Variants in DAB1 observed in about 807,000 individuals in gnomAD.
The protein encoded by DAB1 is DAB adaptor protein 1.
A neutral mutation model predicts 64.6 loss-of-function variants in DAB1; 15 were observed. The ratio of observed to expected loss-of-function variants is 0.23; its 90% CI spans 0.16 to 0.36. The LOEUF (loss-of-function observed/expected upper bound fraction) is 0.36. Among genes scored for constraint, DAB1 ranks in the 10% least tolerant of loss-of-function variants. DAB1 has a pLI of 1.00. For synonymous variants in DAB1, 235 were observed against 251.9 expected (o/e 0.93, Z 0.64); for missense variants, 596 against 706.7 (o/e 0.84, Z 1.78).
At chr1:57,245,310 C>T (rs1231787075) in intron 2 of DAB1, among the ~76,000 whole-genome samples, 1 of 152,112 alleles carries the variant, frequency 6.6e-6, no homozygotes, top group Non-Finnish European at 1.5e-5. Flanking sequence ...ACTTTAAGTT[C>T]TAGGGTACAT....
At chr1:57,913,368 T>G (rs1427373603) in intron 5 of DAB1, among the ~76,000 whole-genome samples, 2 of 152,148 alleles carry the variant, frequency 1.3e-5, no homozygotes, top group African/African-American at 4.8e-5. Flanking sequence ...TAATAAATGG[T>G]GCTGGGAAAA....
intron 6 of DAB1, among the ~76,000 whole-genome samples, chr1:57,750,823 G>C (rs1000351532): frequency 6.6e-6 from 1 of 152,062 alleles, no homozygotes; most frequent in Non-Finnish European, 1.5e-5. Flanking sequence ...CTTTGTATCT[G>C]TACCGCCTGA....
intron 1 of DAB1, among the ~76,000 whole-genome samples, chr1:57,400,366 G>A (rs113104778): frequency 4.6e-5 from 7 of 152,142 alleles, no homozygotes; most frequent in South Asian, 2.1e-4. Flanking sequence ...GAAATTTTGC[G>A]TGGCACATAA....
At chr1:57,553,473 A>AAGGAAGGAAGGAAGGAAGGAAGG (rs373756684) in intron 7 of DAB1, among the ~76,000 whole-genome samples, 11 of 25,598 alleles carry the variant, frequency 4.3e-4, no homozygotes, top group African/African-American at 6.9e-4. Flanking sequence ...AAAGGGAAAG[A>AAGGAAGGAAGGAAGGAAGGAAGG]AAGGAAGGAA....
intron 1 of DAB1, among the ~76,000 whole-genome samples, chr1:57,841,689 G>A (rs1477787499): frequency 3.3e-5 from 5 of 152,190 alleles, no homozygotes; most frequent in Non-Finnish European, 7.3e-5. Flanking sequence ...TGGAATGCAG[G>A]GTGCCACATC....
chr1:57,291,017 G>A lies in DAB1; in HGVS notation c.14C>T (p.Thr5Ile). MSTETELQVAVKTSA... is the reference protein window; with the variant it reads MSTEIELQVAVKTSA... ...GGTTTTCACAGCTACTTGAAGTTCT[G>A]TCTCAGTTGACATCCTACTTAATCC... Residue 5 changes from threonine to isoleucine, a missense_variant, in exon 2 of 15, where the codon ACA becomes ATA. Thr to Ile is a moderately conservative substitution (Grantham distance 89, BLOSUM62 -1). Coordinates refer to ENST00000371236, the MANE Select transcript of DAB1 (RefSeq NM_001365792.1). The A allele has an allele frequency of 6.2e-7, 1 of 1,611,340 alleles. No individual in the cohort carries two copies. Among genetic ancestry groups the A allele is most frequent in the Non-Finnish European group, 8.5e-7 (1 of 1,178,604 alleles).
intron 1 of DAB1, among the ~76,000 whole-genome samples, chr1:57,381,755 T>C (rs1284491708): frequency 6.6e-6 from 1 of 152,202 alleles, no homozygotes; most frequent in Non-Finnish European, 1.5e-5. Flanking sequence ...TCTAAGAATA[T>C]GACTTTATAG....
At chr1:57,534,813 C>T (rs1644706730) in intron 7 of DAB1, among the ~76,000 whole-genome samples, 2 of 152,184 alleles carry the variant, frequency 1.3e-5, no homozygotes, top group Admixed American at 1.3e-4. Context: ...TGAAACTTCG[C>T]AAAGGCCTCT....
In DAB1 at chr1:57,571,184, G is replaced by A. The variant is rs147006488; in HGVS notation, n.625+78408C>T. ...TTTGACTTCCTCTTTACTGATTTGG[G>A]TGCCCTTTATTTTTTTCTCTTATCT... On this transcript the variant is annotated intron_variant and non_coding_transcript_variant, in intron 7 of 20. Coordinates refer to the DAB1 transcript ENST00000485760. Among the ~76,000 whole-genome samples, 1,268 of 152,196 alleles carry A rather than the reference G, an allele frequency of 8.3e-3. 15 individuals carry two copies. Among genetic ancestry groups the A allele is most frequent in the African/African-American group, 0.029 (1,216 of 41,516 alleles).
At chr1:58,368,909 C>T (rs965886214) in intron 3 of DAB1, among the ~76,000 whole-genome samples, 5 of 152,132 alleles carry the variant, frequency 3.3e-5, no homozygotes, top group Non-Finnish European at 5.9e-5. Flanking sequence ...TGCCTGTGGT[C>T]CCAGTTACTT....
intron 5 of DAB1, among the ~76,000 whole-genome samples, chr1:58,093,330 G>T (rs764068510): frequency 6.6e-6 from 1 of 152,096 alleles, no homozygotes; most frequent in South Asian, 2.1e-4. Context: ...TAAAGCGGGG[G>T]TCCCTAATTC....
intron 7 of DAB1, among the ~76,000 whole-genome samples, chr1:57,481,267 T>C (rs568602510): frequency 2.4e-3 from 365 of 152,236 alleles, no homozygotes; most frequent in African/African-American, 8.2e-3. Flanking sequence ...ACAACCTAGA[T>C]TCTTCTCAAT....
At chr1:57,067,730 A>G (rs998462940) in intron 8 of DAB1, among the ~76,000 whole-genome samples, 1 of 152,142 alleles carries the variant, frequency 6.6e-6, no homozygotes, top group African/African-American at 2.4e-5. Context: ...AGATGAGTAA[A>G]CTGAAGCCCA....
chr1:57,719,213 G>C (rs529256969), intron 6 of DAB1, among the ~76,000 whole-genome samples: 1 of 152,310 alleles, frequency 6.6e-6, no homozygotes, highest in East Asian at 1.9e-4. Context: ...ATTGTTGGCT[G>C]ATGAAATGCC....
intron 3 of DAB1, 150 bp downstream of exon 3, chr1:57,145,140 T>A: frequency 1.3e-6 from 1 of 767,034 alleles, no homozygotes; most frequent in African/African-American, 1.7e-5. Context: ...GATTGAAATA[T>A]CTTCCGAATG....
Position 57,054,179 on chromosome 1 carries a change from GA to G in DAB1, c.723+8704del, listed in dbSNP as rs1421407635. On this transcript the variant is annotated intron_variant, in intron 9 of 14. Coordinates refer to ENST00000371236, the MANE Select transcript of DAB1 (RefSeq NM_001365792.1). ...ATGGGGGAATGAAGAGAGGGGAAAAGAAAAGTGCTAAGTATTTCTCACATGA... is the reference window on the plus strand; with the variant it reads ...ATGGGGGAATGAAGAGAGGGGAAAAGAAAGTGCTAAGTATTTCTCACATGA... 2.0e-5 allele frequency among the ~76,000 whole-genome samples: 3 copies of G among 152,144 alleles called. No homozygotes were observed. The East Asian group carries it at 5.8e-4, about 29-fold the overall frequency.
chr1:57,432,192 T>C (rs1383689909), intron 7 of DAB1, among the ~76,000 whole-genome samples: 2 of 152,074 alleles, frequency 1.3e-5, no homozygotes, highest in Non-Finnish European at 2.9e-5. Context: ...TAGCATATGA[T>C]ATAGCTGCCA....
At chr1:57,613,471 G>A (rs1341322) in intron 7 of DAB1, among the ~76,000 whole-genome samples, 34,134 of 151,950 alleles carry the variant, frequency 0.22, 4,222 homozygotes, top group East Asian at 0.32. Flanking sequence ...TTCCCATAGT[G>A]TAGTTCGGTT....
intron 1 of DAB1, among the ~76,000 whole-genome samples, chr1:57,858,530 G>GA (rs139312347): frequency 2.5e-4 from 38 of 149,746 alleles, no homozygotes; most frequent in South Asian, 6.4e-4. Flanking sequence ...AGATTTAACA[G>GA]AAAAAAAAAG....
Sources: gnomAD v4.1 joint callset for allele counts (sites outside exome capture counted in the v4.1 genomes callset) on GRCh38, gnomAD v4.1.1 for gene constraint, MANE v1.5 for transcripts, NCBI Gene and HGNC (gene_info 2026-07-23, HGNC 2026-07-21) for gene names.